The following SYT17 variants were observed in gnomAD, a reference collection of about 807,000 sequenced individuals.
SYT17 encodes the protein synaptotagmin-17.
Under a neutral mutation model 46.7 loss-of-function variants are expected in SYT17, and 22 were observed. The ratio of observed to expected loss-of-function variants is 0.47; its 90% confidence interval spans 0.34 to 0.67. The LOEUF (loss-of-function observed/expected upper bound fraction) is 0.67. Among genes scored for constraint, SYT17 ranks in the 30% least tolerant of loss-of-function variants. The probability of loss-of-function intolerance (pLI) is 0.01; values close to 1 mark genes in which losing one functional copy is unlikely to be tolerated. For missense variants in SYT17, 519 were observed against 612.8 expected (o/e 0.85, Z 1.62); for synonymous variants, 251 against 248.4 (o/e 1.01, Z -0.10).
At chr16:19,223,310 A>G (rs148642927) in intron 6 of SYT17, 145 bp downstream of exon 6, 52 of 1,057,490 alleles carry the variant, frequency 4.9e-5, no homozygotes, top group South Asian at 5.4e-5. Context: ...TAGTAACCCT[A>G]TTGGAATTGG....
rs917469208 is a variant in SYT17 at position 19,268,197 on chromosome 16, A to ATCTC, written c.*1135_*1138dup. ...TAAGGAATTAGTGTAGTTAGAATAG[A>ATCTC]TCTCTCTCTCTCTCTCTTTCTCTCT... On this transcript the variant is annotated 3_prime_UTR_variant, in exon 8 of 8. Coordinates refer to ENST00000355377, the MANE Select transcript of SYT17 (RefSeq NM_016524.4). 1 of 107,910 alleles carries ATCTC rather than the reference A, an allele frequency of 9.3e-6. No homozygotes were observed. The highest frequency in any genetic ancestry group is 2.5e-3 in the East Asian group (1 of 404). 6.7% of individuals were successfully genotyped at this position (107,910 alleles called of 1,614,324 possible).
intron 5 of SYT17, among the ~76,000 whole-genome samples, chr16:19,222,332 C>T (rs1966350310): frequency 6.6e-6 from 1 of 151,928 alleles, no homozygotes; most frequent in East Asian, 1.9e-4. Flanking sequence ...AGTGGGAGGC[C>T]TCCTGTTTTC....
At chr16:19,240,480 C>T (rs373996037) in intron 7 of SYT17, among the ~76,000 whole-genome samples, 19 of 152,282 alleles carry the variant, frequency 1.2e-4, no homozygotes, top group Middle Eastern at 3.4e-3. Context: ...GTCTACCCAT[C>T]GTCTCTCTGT....
At chr16:19,243,097 A>G (rs72779576) in intron 7 of SYT17, among the ~76,000 whole-genome samples, 3 of 152,258 alleles carry the variant, frequency 2.0e-5, no homozygotes, top group Non-Finnish European at 4.4e-5. Context: ...TTGGCTTATC[A>G]TGGAAATTAT....
intron 7 of SYT17, among the ~76,000 whole-genome samples, chr16:19,265,241 C>G (rs1969280992): frequency 6.6e-6 from 1 of 152,150 alleles, no homozygotes; most frequent in Non-Finnish European, 1.5e-5. Flanking sequence ...GCAAAGCTTC[C>G]ATTCCTATTA....
At chr16:19,172,951 A>C in intron 2 of SYT17, 174 bp downstream of exon 2, 2 of 738,242 alleles carry the variant, frequency 2.7e-6, no homozygotes, top group Non-Finnish European at 4.4e-6. Flanking sequence ...TTTTGAAAAG[A>C]CACCAGTTGA....
At chr16:19,188,981 G>A (rs1270344328) in intron 5 of SYT17, among the ~76,000 whole-genome samples, 1 of 152,032 alleles carries the variant, frequency 6.6e-6, no homozygotes, top group African/African-American at 2.4e-5. Context: ...CCGCCTCCCG[G>A]GTTCACGCCA....
intron 1 of SYT17, among the ~76,000 whole-genome samples, chr16:19,169,079 C>G (rs1230007148): frequency 6.6e-6 from 1 of 151,944 alleles, no homozygotes; most frequent in Non-Finnish European, 1.5e-5. Flanking sequence ...GCCGGCGGAG[C>G]GAGCCTGAGG....
chr16:19,220,308 T>C (rs1352300063), intron 5 of SYT17, among the ~76,000 whole-genome samples: 1 of 134,802 alleles, frequency 7.4e-6, no homozygotes, highest in Non-Finnish European at 1.6e-5. Context: ...TCTTTCTTTT[T>C]TTTTTTTTTT....
At chr16:19,172,876 TCAA>T in intron 2 of SYT17, 99 bp downstream of exon 2, 1 of 1,427,528 alleles carries the variant, frequency 7.0e-7, no homozygotes, top group Non-Finnish European at 9.8e-7. Context: ...TATTGAATAT[TCAA>T]CAATAACCTG....
intron 1 of SYT17, chr16:19,171,997 C>G (rs1025081433): frequency 1.3e-5 from 2 of 152,326 alleles, no homozygotes; most frequent in Non-Finnish European, 2.9e-5. Context: ...CCTCTTGATT[C>G]AAAGTTCTGA....
chr16:19,182,112 AAT>A (rs1265856226), intron 4 of SYT17, among the ~76,000 whole-genome samples: 1 of 151,514 alleles, frequency 6.6e-6, no homozygotes, highest in Non-Finnish European at 1.5e-5. Context: ...AATAAAATAA[AAT>A]ATTAAAATTA....
At position 19,174,942 on chromosome 16, in the gene SYT17, A is replaced by AC. The variant is rs201512806; in HGVS notation, c.182+1372dup. 1.3e-3 allele frequency among the ~76,000 whole-genome samples: 190 copies of AC among 150,970 alleles called. 1 individual carries two copies. Among genetic ancestry groups the AC allele is most frequent in the Middle Eastern group, 0.01 (3 of 294 alleles). The stretch of plus-strand genomic sequence containing the variant: ...AGACCAGCCTGGGCCACATAGTGAG[A>AC]CCCCCCCCATGCCCCATCTCGACAA... On this transcript the variant is annotated intron_variant, in intron 3 of 7. Transcript: ENST00000355377.
intron 5 of SYT17, among the ~76,000 whole-genome samples, chr16:19,202,562 G>A (rs1464844341): frequency 1.3e-5 from 2 of 152,156 alleles, no homozygotes; most frequent in Non-Finnish European, 2.9e-5. Flanking sequence ...TTGGCCATTG[G>A]TGTCAGAACT....
Position 19,168,638 on chromosome 16 carries a change from C to G in SYT17, c.-9C>G, listed in dbSNP as rs765780204. ...ATGCCCGGGCCGGAGTGAGTGCGCG[C>G]GGGCGAAAATGGCGTACATCCAGGT... On this transcript the variant is annotated 5_prime_UTR_variant, in exon 1 of 8. Coordinates refer to ENST00000355377, the MANE Select transcript of SYT17 (RefSeq NM_016524.4). The surrounding 1 kb of genome is among the most constrained non-coding windows in gnomAD (Gnocchi z 6.9). 281 of 1,538,000 alleles carry G rather than the reference C, an allele frequency of 1.8e-4. No individual in the cohort carries two copies. The highest frequency in any genetic ancestry group is 1.6e-4 in the Non-Finnish European group (180 of 1,140,490).
intron 7 of SYT17, among the ~76,000 whole-genome samples, chr16:19,227,109 G>A (rs923465271): frequency 1.3e-5 from 2 of 152,104 alleles, no homozygotes; most frequent in Non-Finnish European, 2.9e-5. Context: ...CACTTCACAG[G>A]ATTGTTATTT....
intron 3 of SYT17, 40 bp from the exon 4 acceptor site, chr16:19,180,351 G>A: frequency 1.9e-6 from 3 of 1,606,978 alleles, no homozygotes; most frequent in South Asian, 2.2e-5. Context: ...AGTCCCCGGG[G>A]ATTCCTGGAC....
At chr16:19,194,923 T>C (rs1965174555) in intron 5 of SYT17, among the ~76,000 whole-genome samples, 1 of 152,244 alleles carries the variant, frequency 6.6e-6, no homozygotes, top group South Asian at 2.1e-4. Flanking sequence ...AGTCTTGGTA[T>C]CTTTGGCACT....
chr16:19,217,894 T>G (rs1477900021), intron 5 of SYT17, among the ~76,000 whole-genome samples: 2 of 152,260 alleles, frequency 1.3e-5, no homozygotes, highest in African/African-American at 4.8e-5. Context: ...AATTTTGATT[T>G]GTTTTTATAT....
Sources: gnomAD v4.1 joint callset for allele counts (sites outside exome capture counted in the v4.1 genomes callset) on GRCh38, gnomAD v4.1.1 for gene constraint, Gnocchi (gnomAD v3.1) non-coding constraint, MANE v1.5 for transcripts, NCBI Gene and HGNC (gene_info 2026-07-23, HGNC 2026-07-21) for gene names.